The following TDRD9 variants were observed in gnomAD, a reference collection of about 807,000 sequenced individuals.
TDRD9 encodes tudor domain containing 9.
TDRD9 carries 124 observed loss-of-function variants against 172.6 expected under a neutral mutation model. The observed-to-expected ratio is 0.72, with a 90% CI of 0.62 to 0.83. The LOEUF is 0.83. Among genes scored for constraint, TDRD9 ranks in the 40% least tolerant of loss-of-function variants. TDRD9 has a pLI of 0.00. For missense variants in TDRD9, 1,479 were observed against 1,714.1 expected (o/e 0.86, Z 2.42); for synonymous variants, 619 against 617.1 (o/e 1.00, Z -0.05).
At chr14:104,029,686 T>C (rs1466133218) in intron 28 of TDRD9, among the ~76,000 whole-genome samples, 2 of 152,194 alleles carry the variant, frequency 1.3e-5, no homozygotes, top group African/African-American at 4.8e-5. Flanking sequence ...GCCTAATTTC[T>C]CTGGCTAGGA....
intron 1 of TDRD9, among the ~76,000 whole-genome samples, chr14:103,939,273 C>T (rs1361960403): frequency 6.6e-6 from 1 of 152,156 alleles, no homozygotes; most frequent in Admixed American, 6.6e-5. Context: ...TAGTACCGGG[C>T]TTCATATACA....
At position 103,932,679 on chromosome 14, in the gene TDRD9, G is replaced by A. The variant is rs575663354; in HGVS notation, c.215+3955G>A. ...TGGGATTACAGGCGTGAGGTACTGCGCCCGGCCGGGAGGGATGGCTTTTAT... is the reference window on the plus strand; with the variant it reads ...TGGGATTACAGGCGTGAGGTACTGCACCCGGCCGGGAGGGATGGCTTTTAT... On this transcript the variant is annotated intron_variant, in intron 1 of 35. Transcript: ENST00000409874. 3.3e-5 allele frequency among the ~76,000 whole-genome samples: 5 copies of A among 150,766 alleles called. No individual in the cohort carries two copies. In the South Asian group the frequency reaches 8.5e-4, roughly 26 times the overall value.
intron 1 of TDRD9, chr14:103,941,800 A>AT (rs2031254489): frequency 3.2e-5 from 27 of 833,358 alleles, no homozygotes; most frequent in East Asian, 5.5e-5. Context: ...AAAGTGCACG[A>AT]TTTTTTTTCA....
chr14:103,930,084 C>T (rs1488678612), intron 1 of TDRD9, among the ~76,000 whole-genome samples: 1 of 152,182 alleles, frequency 6.6e-6, no homozygotes, highest in Non-Finnish European at 1.5e-5. Context: ...TTTAAAAAGG[C>T]CCTGGGAGAA....
At chr14:104,033,684 C>G (rs2035355414) in intron 30 of TDRD9, among the ~76,000 whole-genome samples, 1 of 151,936 alleles carries the variant, frequency 6.6e-6, no homozygotes, top group South Asian at 2.1e-4. Context: ...TTCGGGCATC[C>G]CCAGCGTGTG....
intron 1 of TDRD9, among the ~76,000 whole-genome samples, chr14:103,946,824 A>C (rs952497612): frequency 2.0e-4 from 31 of 152,254 alleles, no homozygotes; most frequent in African/African-American, 7.2e-4. Context: ...TAAAATACTC[A>C]GGGATTAACC....
At chr14:104,019,539 A>G (rs2034891759) in intron 23 of TDRD9, among the ~76,000 whole-genome samples, 1 of 152,144 alleles carries the variant, frequency 6.6e-6, no homozygotes, top group Non-Finnish European at 1.5e-5. Flanking sequence ...CAAATGTCAT[A>G]CCAATTTTTT....
At chr14:103,938,546 C>G (rs139820631) in intron 1 of TDRD9, among the ~76,000 whole-genome samples, 2,402 of 149,090 alleles carry the variant, frequency 0.016, 65 homozygotes, top group African/African-American at 0.056. Flanking sequence ...TCATGCCATT[C>G]TCCTGCCTCA....
intron 13 of TDRD9, among the ~76,000 whole-genome samples, chr14:103,999,025 C>G (rs1020842851): frequency 6.6e-6 from 1 of 152,156 alleles, no homozygotes; most frequent in Non-Finnish European, 1.5e-5. Context: ...GATCTCCTGA[C>G]TTTGTGATCC....
rs1172942267 is a variant in TDRD9 at position 104,015,979 on chromosome 14, A to G, written c.2224-2A>G. 1.5e-5 allele frequency: 24 copies of G among 1,578,664 alleles called. No individual in the cohort carries two copies. The highest frequency in any genetic ancestry group is 1.7e-5 in the Non-Finnish European group (20 of 1,161,194). On this transcript the variant is annotated splice_acceptor_variant, in intron 21 of 35. Coordinates refer to ENST00000409874, the MANE Select transcript of TDRD9 (RefSeq NM_153046.3). LOFTEE classifies it high-confidence loss of function. The stretch of plus-strand genomic sequence containing the variant: ...CTTCATGAAAATAAATTTCTTTTTC[A>G]GGTTGTATTGGCAGGTGCTTTCTAT...
chr14:103,990,429 C>T (rs1349682915), intron 8 of TDRD9, among the ~76,000 whole-genome samples: 1 of 152,206 alleles, frequency 6.6e-6, no homozygotes, highest in Non-Finnish European at 1.5e-5. Context: ...TTCCATGGCT[C>T]CCTCCTCACC....
At chr14:103,972,943 TG>T (rs1202962522) in intron 6 of TDRD9, among the ~76,000 whole-genome samples, 1 of 152,244 alleles carries the variant, frequency 6.6e-6, no homozygotes, top group Admixed American at 6.5e-5. Context: ...TTATTCACAT[TG>T]AGACCTTTCT....
chr14:103,990,014 T>C (rs1051756218), intron 8 of TDRD9, among the ~76,000 whole-genome samples: 2 of 152,244 alleles, frequency 1.3e-5, no homozygotes, highest in African/African-American at 4.8e-5. Context: ...CTCTGCCTAT[T>C]GATTGGGGTG....
intron 6 of TDRD9, among the ~76,000 whole-genome samples, chr14:103,971,410 T>G (rs903714673): frequency 6.6e-6 from 1 of 151,876 alleles, no homozygotes; most frequent in Non-Finnish European, 1.5e-5. Flanking sequence ...GTTCAAGCAA[T>G]TCTCATGCCT....
chr14:104,042,611 G>A (rs2035641952), intron 34 of TDRD9, among the ~76,000 whole-genome samples: 2 of 152,188 alleles, frequency 1.3e-5, no homozygotes. Flanking sequence ...GACTCTCCAT[G>A]GGACAAACCA....
intron 6 of TDRD9, among the ~76,000 whole-genome samples, chr14:103,974,969 ATGT>A (rs1215667476): frequency 2.6e-5 from 4 of 151,916 alleles, no homozygotes; most frequent in Non-Finnish European, 5.9e-5. Context: ...CAGTGGTCTC[ATGT>A]TGTTGCTCAG....
intron 4 of TDRD9, among the ~76,000 whole-genome samples, chr14:103,966,101 C>T (rs111662331): frequency 1.3e-5 from 2 of 152,134 alleles, no homozygotes; most frequent in African/African-American, 2.4e-5. Flanking sequence ...GAGGCTGAGG[C>T]GGGCAGATCA....
chr14:104,026,908 C>G lies in TDRD9; in HGVS notation c.3251C>G (p.Ala1084Gly), dbSNP rs768259180. ...IRDVLIQQGYAELTEESYESK... is the reference protein window; with the variant it reads ...IRDVLIQQGYGELTEESYESK... ...GACGTCCTCATCCAGCAGGGCTATG[C>G]CGAGCTCACGGAGGAGTCCTACGAG... Residue 1084 changes from alanine to glycine, a missense_variant, in exon 28 of 36, where the codon GCC becomes GGC. By Grantham distance (60) the Ala-to-Gly change is moderately conservative. This residue lies in a region of TDRD9 where 1,413 missense variants were observed against 1,649.1 expected (regional missense o/e 0.86). Coordinates refer to ENST00000409874, the MANE Select transcript of TDRD9 (RefSeq NM_153046.3). The G allele has an allele frequency of 4.3e-6, 7 of 1,613,940 alleles. No individual in the cohort carries two copies. The highest frequency in any genetic ancestry group is 5.9e-6 in the Non-Finnish European group (7 of 1,179,822).
chr14:103,945,758 ATGTG>A (rs1323085318), intron 1 of TDRD9, among the ~76,000 whole-genome samples: 1 of 152,172 alleles, frequency 6.6e-6, no homozygotes, highest in Non-Finnish European at 1.5e-5. Context: ...TGCATAATAT[ATGTG>A]TGTCTATGTA....
Sources: allele counts gnomAD v4.1 joint callset (sites outside exome capture counted in the v4.1 genomes callset), GRCh38; gene constraint gnomAD v4.1.1; regional missense constraint gnomAD v4.1.1; transcripts MANE v1.5; gene names NCBI Gene and HGNC (gene_info 2026-07-23, HGNC 2026-07-21).